The following DMRT1 variants were observed in gnomAD, a reference collection of about 807,000 sequenced individuals.
The protein encoded by DMRT1 is doublesex and mab-3 related transcription factor 1, also known as doublesex- and mab-3-related transcription factor 1.
Under a neutral mutation model 32.3 loss-of-function variants are expected in DMRT1, and 7 were observed. The ratio of observed to expected loss-of-function variants is 0.22; its 90% CI spans 0.12 to 0.41. DMRT1 has a LOEUF of 0.41. DMRT1 is among the 10% of genes least tolerant of loss of function. The pLI is 1.00. For missense variants in DMRT1, 625 were observed against 500.5 expected (o/e 1.25, Z -2.37); for synonymous variants, 278 against 206.1 (o/e 1.35, Z -2.99).
At chr9:932,243 C>A (rs1460085066) in intron 4 of DMRT1, among the ~76,000 whole-genome samples, 1 of 152,174 alleles carries the variant, frequency 6.6e-6, no homozygotes, top group East Asian at 1.9e-4. Context: ...TTAACAAATG[C>A]TCTGCATAAC....
At chr9:915,265 A>G (rs1818133602) in intron 3 of DMRT1, among the ~76,000 whole-genome samples, 1 of 152,186 alleles carries the variant, frequency 6.6e-6, no homozygotes, top group Non-Finnish European at 1.5e-5. Context: ...TGTCTCTAAC[A>G]GGGTCTAGAT....
chr9:854,923 G>A (rs1222747207), intron 2 of DMRT1, among the ~76,000 whole-genome samples: 1 of 149,966 alleles, frequency 6.7e-6, no homozygotes, highest in African/African-American at 2.5e-5. Flanking sequence ...CCGCCGCCAC[G>A]CCAGGCTAAT....
chr9:870,626 C>T (rs1589477274), intron 2 of DMRT1, among the ~76,000 whole-genome samples: 1 of 151,472 alleles, frequency 6.6e-6, no homozygotes, highest in Non-Finnish European at 1.5e-5. Context: ...TCTGTTGGGT[C>T]CAAGAAAGAA....
intron 2 of DMRT1, among the ~76,000 whole-genome samples, chr9:889,325 G>C (rs1817052809): frequency 1.3e-5 from 2 of 152,292 alleles, no homozygotes; most frequent in East Asian, 3.9e-4. Context: ...TTTTAAAGTG[G>C]TTAAACATTT....
Position 842,007 on chromosome 9 carries a change from G to C in DMRT1, c.169G>C (p.Gly57Arg). 5 of 1,554,770 alleles carry C rather than the reference G, an allele frequency of 3.2e-6. No individual in the cohort carries two copies. The highest frequency in any genetic ancestry group is 3.5e-6 in the Non-Finnish European group (4 of 1,151,862). ...GGGCAGCAGCAGAGGAGGCGGCTCC[G>C]GCTCCGGGGCGTCGGACCTGGGTGC... Reference protein sequence around the residue: ...AGGSSRGGGSGSGASDLGAGS... With the variant: ...AGGSSRGGGSRSGASDLGAGS... The change falls in exon 1 of 5, where the codon GGC (glycine) becomes CGC (arginine). Residue 57 changes from glycine to arginine, a missense_variant. Gly to Arg is a moderately radical substitution (Grantham distance 125, BLOSUM62 -2). This residue lies in a region of DMRT1 where 201 missense variants were observed against 152.0 expected (regional missense o/e 1.32). Transcript: ENST00000382276.
At chr9:953,500 C>A (rs1366705817) in intron 4 of DMRT1, among the ~76,000 whole-genome samples, 3 of 150,080 alleles carry the variant, frequency 2.0e-5, no homozygotes, top group Non-Finnish European at 2.9e-5. Context: ...AAGGCCTCTG[C>A]CCCCCCGACC....
rs377625701 is a variant in DMRT1, at chr9:916,925, C to G, written c.967+18C>G. ...GGCGAGCGGTAGGTGTCTGGTCACA[C>G]AGACTGGATTTGGGGTTGAGAGAGG... On this transcript the variant is annotated intron_variant, in intron 4 of 4. Coordinates refer to ENST00000382276, the MANE Select transcript of DMRT1 (RefSeq NM_021951.3). 2.2e-5 allele frequency: 36 copies of G among 1,614,000 alleles called. No individual in the cohort carries two copies. Among genetic ancestry groups the G allele is most frequent in the Non-Finnish European group, 2.8e-5 (33 of 1,179,998 alleles).
intron 2 of DMRT1, among the ~76,000 whole-genome samples, chr9:847,647 A>T (rs902075509): frequency 7.1e-6 from 1 of 141,542 alleles, no homozygotes; most frequent in Non-Finnish European, 1.6e-5. Flanking sequence ...TCTTTTTTAC[A>T]CATGTGAAAC....
At chr9:859,008 C>T (rs1052241250) in intron 2 of DMRT1, among the ~76,000 whole-genome samples, 2 of 151,990 alleles carry the variant, frequency 1.3e-5, no homozygotes, top group South Asian at 2.1e-4. Flanking sequence ...AAACTCTGTA[C>T]CCATTAAACG....
rs1383864288 is a variant in DMRT1, at chr9:907,835, G to A, written c.823-8928G>A. Among the ~76,000 whole-genome samples the A allele has an allele frequency of 3.9e-3, 84 of 21,310 alleles. 1 individual carries two copies. In the South Asian group the frequency reaches 0.13, roughly 32 times the overall value. The allele number at this position is 21,310 out of a possible 152,430, so 14.0% of individuals were successfully genotyped here. On this transcript the variant is annotated intron_variant, in intron 3 of 4. Transcript: ENST00000382276. ...ACAGTTCTCTAAAATATATATGTGT[G>A]TGTGTGTGTGTGTGTGTGTGTGTTA...
At chr9:862,423 G>A (rs1240129570) in intron 2 of DMRT1, among the ~76,000 whole-genome samples, 1 of 151,532 alleles carries the variant, frequency 6.6e-6, no homozygotes, top group East Asian at 2.0e-4. Context: ...ATCAGGCAGG[G>A]AGGCTGCAGT....
chr9:934,484 TCA>T, intron 4 of DMRT1, among the ~76,000 whole-genome samples: 1 of 152,278 alleles, frequency 6.6e-6, no homozygotes, highest in African/African-American at 2.4e-5. Context: ...TGAGCTGTAA[TCA>T]CACCAGCGCT....
chr9:964,756 G>C (rs529696457), intron 4 of DMRT1, among the ~76,000 whole-genome samples: 1 of 151,860 alleles, frequency 6.6e-6, no homozygotes, highest in African/African-American at 2.4e-5. Flanking sequence ...TCCTTTCTTC[G>C]GGGTTATTCC....
At chr9:860,030 C>A (rs947585395) in intron 2 of DMRT1, among the ~76,000 whole-genome samples, 2 of 152,094 alleles carry the variant, frequency 1.3e-5, no homozygotes, top group Admixed American at 6.6e-5. Flanking sequence ...GGCACGGTGG[C>A]TCACGCCTGT....
intron 4 of DMRT1, among the ~76,000 whole-genome samples, chr9:954,746 A>G (rs1819541486): frequency 6.6e-6 from 1 of 152,044 alleles, no homozygotes; most frequent in Non-Finnish European, 1.5e-5. Flanking sequence ...GGTTCAAGCA[A>G]TTCTCCTGCC....
At chr9:912,429 T>C (rs1261561973) in intron 3 of DMRT1, among the ~76,000 whole-genome samples, 1 of 152,242 alleles carries the variant, frequency 6.6e-6, no homozygotes, top group South Asian at 2.1e-4. Context: ...ATCTTGGGGA[T>C]TCATTAAGGA....
At chr9:901,136 C>T (rs1476656926) in intron 3 of DMRT1, among the ~76,000 whole-genome samples, 2 of 151,964 alleles carry the variant, frequency 1.3e-5, no homozygotes, top group Non-Finnish European at 2.9e-5. Flanking sequence ...TACCTCAGCC[C>T]CCTCAGTAGC....
intron 2 of DMRT1, among the ~76,000 whole-genome samples, chr9:891,275 C>T (rs1340206937): frequency 1.3e-5 from 2 of 151,084 alleles, no homozygotes; most frequent in Non-Finnish European, 2.9e-5. Flanking sequence ...GGTGAAACCC[C>T]GTCTCTACTT....
At chr9:963,069 T>C (rs1226485663) in intron 4 of DMRT1, among the ~76,000 whole-genome samples, 1 of 152,214 alleles carries the variant, frequency 6.6e-6, no homozygotes, top group Non-Finnish European at 1.5e-5. Context: ...ATATGTACTT[T>C]CTGTTAAGTT....
Sources: gnomAD v4.1 joint callset for allele counts (sites outside exome capture counted in the v4.1 genomes callset) on GRCh38, gnomAD v4.1.1 for gene constraint, gnomAD v4.1.1 regional missense constraint, MANE v1.5 for transcripts, NCBI Gene and HGNC (gene_info 2026-07-23, HGNC 2026-07-21) for gene names.